PPARGC1A: variants seen among roughly 807,000 people sequenced by gnomAD.
PPARGC1A encodes the protein PPARG coactivator 1 alpha.
Under a neutral mutation model 88.7 loss-of-function variants are expected in PPARGC1A, and 25 were observed. That is an observed-to-expected ratio of 0.28 (90% CI 0.21 to 0.39). PPARGC1A has a LOEUF of 0.39. Among genes scored for constraint, PPARGC1A ranks in the 10% least tolerant of loss-of-function variants. PPARGC1A has a pLI of 1.00. For synonymous variants in PPARGC1A, 363 were observed against 355.6 expected, an observed-to-expected ratio of 1.02 and a Z score of -0.24; for missense variants, 880 against 968.7, an observed-to-expected ratio of 0.91 and a Z score of 1.22.
chr4:24,067,798 C>T, the PPARGC1A span, among the ~76,000 whole-genome samples: 5 of 152,222 alleles, frequency 3.3e-5, no homozygotes, highest in Non-Finnish European at 5.9e-5. Context: ...GAGCACTTCA[C>T]TTCTGCTGTC....
chr4:24,024,525 A>C, the PPARGC1A span, among the ~76,000 whole-genome samples: 1 of 152,250 alleles, frequency 6.6e-6, no homozygotes, highest in South Asian at 2.1e-4. Context: ...GCCTTTTCTC[A>C]ACAGCCTTGT....
At chr4:24,338,966 T>C in the PPARGC1A span, among the ~76,000 whole-genome samples, 1 of 152,088 alleles carries the variant, frequency 6.6e-6, no homozygotes, top group African/African-American at 2.4e-5. Context: ...TTTAAATGTA[T>C]AGTTCAGTGG....
chr4:24,397,311 A>G, the PPARGC1A span, among the ~76,000 whole-genome samples: 4 of 152,362 alleles, frequency 2.6e-5, no homozygotes, highest in African/African-American at 7.2e-5. Context: ...AGAATACATT[A>G]AAAGTCCTAT....
At chr4:23,947,938 G>A in the PPARGC1A span, among the ~76,000 whole-genome samples, 1 of 152,070 alleles carries the variant, frequency 6.6e-6, no homozygotes, top group African/African-American at 2.4e-5. Flanking sequence ...GAACCAAGTG[G>A]GGACATGAAA....
chr4:23,962,329 AG>A, the PPARGC1A span, among the ~76,000 whole-genome samples: 1 of 152,130 alleles, frequency 6.6e-6, no homozygotes, highest in Non-Finnish European at 1.5e-5. Flanking sequence ...TTTGGACCAC[AG>A]GGTCATCTGG....
At chr4:23,918,470 C>T in the PPARGC1A span, among the ~76,000 whole-genome samples, 19 of 152,178 alleles carry the variant, frequency 1.2e-4, no homozygotes, top group South Asian at 3.7e-3. Flanking sequence ...GAGGTCACCT[C>T]GGCCTCTCAA....
At chr4:23,896,293 G>C (rs768752274) in intron 1 of PPARGC1A, among the ~76,000 whole-genome samples, 1 of 152,000 alleles carries the variant, frequency 6.6e-6, no homozygotes, top group Non-Finnish European at 1.5e-5. Context: ...TTTATATTCA[G>C]AAGAAGAAGA....
At chr4:24,014,651 C>T in the PPARGC1A span, among the ~76,000 whole-genome samples, 29 of 152,076 alleles carry the variant, frequency 1.9e-4, no homozygotes, top group African/African-American at 6.3e-4. Context: ...GCCCTCAGCT[C>T]CAGAGGGTCA....
chr4:24,265,977 T>C, the PPARGC1A span, among the ~76,000 whole-genome samples: 1 of 151,270 alleles, frequency 6.6e-6, no homozygotes, highest in African/African-American at 2.4e-5. Flanking sequence ...AAGCCTAAGT[T>C]TGGGGGAGAG....
chr4:23,844,289 G>A (rs1727585376), intron 2 of PPARGC1A, among the ~76,000 whole-genome samples: 1 of 131,126 alleles, frequency 7.6e-6, no homozygotes, highest in Admixed American at 8.7e-5. Context: ...ATGACACAAG[G>A]CCATGTGTAC....
the PPARGC1A span, among the ~76,000 whole-genome samples, chr4:24,387,832 G>GAGAAAA: frequency 1.0e-5 from 1 of 100,450 alleles, no homozygotes; most frequent in Non-Finnish European, 2.4e-5. Context: ...AAGAGAGAAA[G>GAGAAAA]AGAGAAAGAG....
chr4:24,239,640 T>C, the PPARGC1A span, among the ~76,000 whole-genome samples: 2 of 151,974 alleles, frequency 1.3e-5, no homozygotes, highest in African/African-American at 2.4e-5. Flanking sequence ...CAGGGGAAAA[T>C]AGTGCATAGG....
chr4:24,198,028 C>T, the PPARGC1A span, among the ~76,000 whole-genome samples: 2 of 152,156 alleles, frequency 1.3e-5, no homozygotes, highest in African/African-American at 4.8e-5. Flanking sequence ...TTCCAACTGT[C>T]CTCAAATTCT....
the PPARGC1A span, among the ~76,000 whole-genome samples, chr4:24,225,483 G>A: frequency 1.3e-5 from 2 of 151,560 alleles, no homozygotes; most frequent in African/African-American, 4.8e-5. Flanking sequence ...GCAGGAGAAT[G>A]GTGGCCACTG....
the PPARGC1A span, among the ~76,000 whole-genome samples, chr4:23,953,672 T>C: frequency 6.6e-6 from 1 of 152,068 alleles, no homozygotes; most frequent in East Asian, 1.9e-4. Context: ...ATCTGTTGAT[T>C]CTTTTCAATT....
intron 2 of PPARGC1A, among the ~76,000 whole-genome samples, chr4:23,853,062 T>C (rs1729585815): frequency 6.6e-6 from 1 of 152,344 alleles, no homozygotes; most frequent in South Asian, 2.1e-4. Context: ...CCTTTTTATA[T>C]AAGAAATTTG....
chr4:24,055,356 A>G, the PPARGC1A span, among the ~76,000 whole-genome samples: 1 of 152,228 alleles, frequency 6.6e-6, no homozygotes, highest in Non-Finnish European at 1.5e-5. Flanking sequence ...CTGATGAAAC[A>G]TGAAATGAAC....
At chr4:24,016,914 T>A in the PPARGC1A span, among the ~76,000 whole-genome samples, 1 of 152,170 alleles carries the variant, frequency 6.6e-6, no homozygotes, top group Non-Finnish European at 1.5e-5. Context: ...TCATAGGAAC[T>A]GGGATTTCCA....
chr4:24,328,105 C>G, the PPARGC1A span, among the ~76,000 whole-genome samples: 1 of 152,034 alleles, frequency 6.6e-6, no homozygotes, highest in Non-Finnish European at 1.5e-5. Flanking sequence ...TATCTCCCTT[C>G]GCTGACTCTC....
Sources: allele counts gnomAD v4.1 joint callset (sites outside exome capture counted in the v4.1 genomes callset), GRCh38; gene constraint gnomAD v4.1.1; transcripts MANE v1.5; gene names NCBI Gene and HGNC (gene_info 2026-07-23, HGNC 2026-07-21).